MTPN: variants seen among roughly 807,000 people sequenced by gnomAD.
MTPN encodes the protein myotrophin, also known as granule cell differentiation protein.
Under a neutral mutation model 13.5 loss-of-function variants are expected in MTPN, and 2 were observed. The observed-to-expected ratio is 0.15, with a 90% CI of 0.06 to 0.47. MTPN has a LOEUF of 0.47. Among genes scored for constraint, MTPN ranks in the 20% least tolerant of loss-of-function variants. The probability of loss-of-function intolerance (pLI) is 0.97; values close to 1 mark genes in which losing one functional copy is unlikely to be tolerated. For synonymous variants in MTPN, 46 were observed against 51.7 expected (o/e 0.89, Z 0.48); for missense variants, 79 against 137.9 (o/e 0.57, Z 2.14).
chr7:135,967,596 G>A (rs67905043), intron 1 of MTPN, among the ~76,000 whole-genome samples: 10,846 of 152,192 alleles, frequency 0.071, 459 homozygotes, highest in African/African-American at 0.1. Context: ...AAATAAGGGA[G>A]CTGGACTAGT....
chr7:135,966,575 C>A (rs550097319), intron 1 of MTPN, among the ~76,000 whole-genome samples: 1 of 152,260 alleles, frequency 6.6e-6, no homozygotes, highest in South Asian at 2.1e-4. Flanking sequence ...CCGGGACTGT[C>A]TGTGAAATCA....
chr7:135,932,058 G>A (rs183857946), intron 3 of MTPN, among the ~76,000 whole-genome samples: 1 of 152,044 alleles, frequency 6.6e-6, no homozygotes, highest in African/African-American at 2.4e-5. Context: ...GCCCTGTTGT[G>A]CTACCAAATA....
intron 1 of MTPN, among the ~76,000 whole-genome samples, chr7:135,958,717 AACT>A (rs1282127262): frequency 6.6e-6 from 1 of 152,208 alleles, no homozygotes; most frequent in Non-Finnish European, 1.5e-5. Context: ...CTGTAACTAC[AACT>A]AATTATTTTC....
chr7:135,967,060 T>C (rs1269096160), intron 1 of MTPN, among the ~76,000 whole-genome samples: 1 of 152,146 alleles, frequency 6.6e-6, no homozygotes, highest in East Asian at 1.9e-4. Flanking sequence ...TGATCCATAT[T>C]TATAAATGCA....
Position 135,929,775 on chromosome 7 carries a change from G to T in MTPN, c.*151C>A, listed in dbSNP as rs1309815158. The T allele has an allele frequency of 2.1e-5, 15 of 723,214 alleles. No homozygotes were observed. The highest frequency in any genetic ancestry group is 8.3e-5 in the Admixed American group (3 of 36,048). 44.8% of individuals were successfully genotyped at this position (723,214 alleles called of 1,614,324 possible). Reference sequence around the variant, plus strand: ...CCTCCAAAACAATTTTTTTTTTCTGGTAGTCGGATTTGTTATGAATTTCTC... The same window carrying T: ...CCTCCAAAACAATTTTTTTTTTCTGTTAGTCGGATTTGTTATGAATTTCTC... On this transcript the variant is annotated 3_prime_UTR_variant, in exon 4 of 4. Transcript: ENST00000393085.
chr7:135,946,817 T>C (rs1799295057), intron 3 of MTPN, among the ~76,000 whole-genome samples: 2 of 152,196 alleles, frequency 1.3e-5, no homozygotes, highest in South Asian at 2.1e-4. Context: ...AAAACAGGCA[T>C]TGGGCTTGGC....
chr7:135,947,910 CT>C (rs1799309188), intron 3 of MTPN, among the ~76,000 whole-genome samples: 1 of 152,082 alleles, frequency 6.6e-6, no homozygotes, highest in Non-Finnish European at 1.5e-5. Flanking sequence ...GATTTCTCCC[CT>C]ATTAGTTGTG....
rs142500636 is a variant in MTPN, at chr7:135,961,531, T to C, written c.73-9901A>G. 2.3e-3 allele frequency among the ~76,000 whole-genome samples: 349 copies of C among 152,088 alleles called. 1 individual carries two copies. Among genetic ancestry groups the C allele is most frequent in the Non-Finnish European group, 3.9e-3 (263 of 67,944 alleles). ...GAGTTTGAGATATATACCTTTTTTT[T>C]TTTCTTTCTTTTTTGAGACAACGTC... On this transcript the variant is annotated intron_variant, in intron 1 of 3. Coordinates refer to ENST00000393085, the MANE Select transcript of MTPN (RefSeq NM_145808.4).
intron 1 of MTPN, among the ~76,000 whole-genome samples, chr7:135,971,478 T>A (rs558097408): frequency 1.3e-5 from 2 of 152,176 alleles, no homozygotes. Flanking sequence ...TCTGGCCTTA[T>A]TGAGAAATGA....
chr7:135,933,539 T>G (rs1027455551), intron 3 of MTPN, among the ~76,000 whole-genome samples: 1 of 152,234 alleles, frequency 6.6e-6, no homozygotes, highest in Non-Finnish European at 1.5e-5. Flanking sequence ...GTAAAAACTG[T>G]GTTTTTATCA....
chr7:135,938,924 T>C (rs1584807172), intron 3 of MTPN, among the ~76,000 whole-genome samples: 1 of 152,212 alleles, frequency 6.6e-6, no homozygotes, highest in East Asian at 1.9e-4. Flanking sequence ...AAGTATATAA[T>C]ACCCTTAAGA....
At chr7:135,940,234 A>T (rs13239513) in intron 3 of MTPN, among the ~76,000 whole-genome samples, 2,451 of 152,272 alleles carry the variant, frequency 0.016, 31 homozygotes, top group African/African-American at 0.037. Context: ...TAAACATATG[A>T]TTCAATTTCG....
intron 1 of MTPN, among the ~76,000 whole-genome samples, chr7:135,952,827 G>A (rs1484830515): frequency 6.6e-6 from 1 of 152,102 alleles, no homozygotes; most frequent in Non-Finnish European, 1.5e-5. Context: ...CAGGCGTGAT[G>A]GCATGCTCCT....
At chr7:135,933,405 C>A (rs143568335) in intron 3 of MTPN, among the ~76,000 whole-genome samples, 1,889 of 152,126 alleles carry the variant, frequency 0.012, 43 homozygotes, top group African/African-American at 0.042. Flanking sequence ...ACCTGTATTT[C>A]TTGTTCCATC....
chr7:135,952,730 G>A (rs1054587488), intron 1 of MTPN, among the ~76,000 whole-genome samples: 1 of 152,164 alleles, frequency 6.6e-6, no homozygotes. Context: ...GGGAGGCCAA[G>A]ACTGGTACAT....
At chr7:135,932,791 C>T (rs777803311) in intron 3 of MTPN, 10 of 151,896 alleles carry the variant, frequency 6.6e-5, no homozygotes, top group Non-Finnish European at 1.3e-4. Context: ...GGATACAATA[C>T]TGAAGAATAA....
chr7:135,956,220 T>C (rs564758257), intron 1 of MTPN, among the ~76,000 whole-genome samples: 22 of 152,316 alleles, frequency 1.4e-4, no homozygotes, highest in African/African-American at 4.8e-4. Flanking sequence ...GAAAGGAAGA[T>C]AGTGCTCTAT....
intron 1 of MTPN, among the ~76,000 whole-genome samples, chr7:135,972,231 G>GCGCACA (rs779296906): frequency 1.8e-4 from 22 of 124,718 alleles, no homozygotes; most frequent in African/African-American, 5.4e-4. Context: ...GCACGCGCGC[G>GCGCACA]CACACACACA....
At chr7:135,967,846 C>G (rs1444040619) in intron 1 of MTPN, among the ~76,000 whole-genome samples, 1 of 152,138 alleles carries the variant, frequency 6.6e-6, no homozygotes, top group Non-Finnish European at 1.5e-5. Flanking sequence ...AATTCCAAAG[C>G]CAACACATTT....
Sources: gnomAD v4.1 joint callset for allele counts (sites outside exome capture counted in the v4.1 genomes callset) on GRCh38, gnomAD v4.1.1 for gene constraint, MANE v1.5 for transcripts, NCBI Gene and HGNC (gene_info 2026-07-23, HGNC 2026-07-21) for gene names.